Variants in NUBPL observed in about 807,000 individuals in gnomAD.
The protein encoded by NUBPL is iron-sulfur cluster transfer protein NUBPL.
In NUBPL, 31 loss-of-function variants were observed where a neutral mutation model predicts 45.7. The observed-to-expected ratio is 0.68, with a 90% CI of 0.51 to 0.92. NUBPL has a LOEUF of 0.92. Among genes scored for constraint, NUBPL ranks in the 40% least tolerant of loss-of-function variants. NUBPL has a pLI of 0.00. For missense variants in NUBPL, 401 were observed against 398.7 expected (o/e 1.01, Z -0.05); for synonymous variants, 144 against 140.9 (o/e 1.02, Z -0.15).
chr14:31,767,118 G>A (rs373584303), intron 6 of NUBPL, among the ~76,000 whole-genome samples: 2 of 152,036 alleles, frequency 1.3e-5, no homozygotes, highest in East Asian at 1.9e-4. Flanking sequence ...TCTGATCATA[G>A]AGCTCTTTTT....
intron 4 of NUBPL, among the ~76,000 whole-genome samples, chr14:31,648,404 T>G (rs2035912967): frequency 6.6e-6 from 1 of 152,232 alleles, no homozygotes; most frequent in African/African-American, 2.4e-5. Context: ...GTCCTGTGTC[T>G]TGATGCACTG....
chr14:31,674,227 C>A (rs1381494771), intron 6 of NUBPL, among the ~76,000 whole-genome samples: 1 of 152,110 alleles, frequency 6.6e-6, no homozygotes, highest in Non-Finnish European at 1.5e-5. Context: ...AAGTAATTTG[C>A]ATTTACTTCA....
intron 6 of NUBPL, among the ~76,000 whole-genome samples, chr14:31,689,965 G>T (rs1451187706): frequency 6.6e-6 from 1 of 151,030 alleles, no homozygotes; most frequent in Non-Finnish European, 1.5e-5. Flanking sequence ...TTAAAGATCA[G>T]ATGGTTGTAG....
intron 6 of NUBPL, among the ~76,000 whole-genome samples, chr14:31,734,985 A>T (rs1281041112): frequency 6.6e-6 from 1 of 152,196 alleles, no homozygotes; most frequent in Non-Finnish European, 1.5e-5. Context: ...TGTTGACTTT[A>T]CTACTGACAT....
intron 6 of NUBPL, among the ~76,000 whole-genome samples, chr14:31,687,643 C>T (rs761029185): frequency 6.6e-5 from 10 of 152,148 alleles, no homozygotes; most frequent in Admixed American, 2.6e-4. Flanking sequence ...ATGATCTCTG[C>T]GTGAGCAGTT....
intron 3 of NUBPL, among the ~76,000 whole-genome samples, chr14:31,594,553 G>C (rs1046666117): frequency 7.2e-6 from 1 of 138,440 alleles, no homozygotes; most frequent in African/African-American, 2.5e-5. Flanking sequence ...AACTAGCCAG[G>C]TGATTTTTTT....
rs149248192 is a variant in NUBPL, at chr14:31,715,176, C to T, written c.513+41602C>T. On this transcript the variant is annotated intron_variant, in intron 6 of 10. Coordinates refer to ENST00000281081, the MANE Select transcript of NUBPL (RefSeq NM_025152.3). ...TCTTTATACTATTTGATCTACTGAT[C>T]GTAAAGTTTCCCTAATACTACATTC... 2.1e-3 allele frequency among the ~76,000 whole-genome samples: 319 copies of T among 152,242 alleles called. 1 individual carries two copies. Among genetic ancestry groups the T allele is most frequent in the African/African-American group, 7.3e-3 (303 of 41,548 alleles).
At chr14:31,651,917 A>G (rs1479487947) in intron 4 of NUBPL, among the ~76,000 whole-genome samples, 1 of 151,916 alleles carries the variant, frequency 6.6e-6, no homozygotes, top group Non-Finnish European at 1.5e-5. Context: ...AAAAAAAGAA[A>G]AAAAGAAAAA....
chr14:31,605,700 GCTTCTTTCTTCTTTCTT>G (rs1451453817), intron 4 of NUBPL, among the ~76,000 whole-genome samples: 32 of 151,978 alleles, frequency 2.1e-4, no homozygotes, highest in Admixed American at 7.2e-4. Context: ...GAGATCTTCT[GCTTCTTTCTTCTTTCTT>G]CTTCTTTCTT....
At chr14:31,738,146 G>A (rs542807139) in intron 6 of NUBPL, among the ~76,000 whole-genome samples, 3 of 152,144 alleles carry the variant, frequency 2.0e-5, no homozygotes, top group Admixed American at 6.5e-5. Flanking sequence ...TCTGCACAAA[G>A]TATTTAATAT....
intron 6 of NUBPL, among the ~76,000 whole-genome samples, chr14:31,764,197 A>G (rs544435766): frequency 1.3e-5 from 2 of 152,332 alleles, no homozygotes; most frequent in South Asian, 2.1e-4. Flanking sequence ...AGAGAAAATT[A>G]GAGTACAAGC....
intron 8 of NUBPL, among the ~76,000 whole-genome samples, chr14:31,833,989 A>G (rs1190280490): frequency 6.6e-6 from 1 of 152,208 alleles, no homozygotes; most frequent in Non-Finnish European, 1.5e-5. Flanking sequence ...GGAAACAAAT[A>G]TATAGATTAA....
intron 3 of NUBPL, among the ~76,000 whole-genome samples, chr14:31,574,644 G>A (rs1182024197): frequency 7.5e-6 from 1 of 133,874 alleles, no homozygotes; most frequent in African/African-American, 2.9e-5. Flanking sequence ...AGGCTGGAGT[G>A]CAGTGGCCTG....
At chr14:31,676,815 G>C (rs571406601) in intron 6 of NUBPL, among the ~76,000 whole-genome samples, 1 of 151,128 alleles carries the variant, frequency 6.6e-6, no homozygotes, top group African/African-American at 2.4e-5. Flanking sequence ...GAATTTGTAC[G>C]TATTTTGGCC....
chr14:31,787,584 A>G (rs1448997759), intron 6 of NUBPL, among the ~76,000 whole-genome samples, 196 bp from the exon 7 acceptor site: 3 of 152,238 alleles, frequency 2.0e-5, no homozygotes, highest in South Asian at 2.1e-4. Flanking sequence ...CTTGCCATTC[A>G]AAGAAGGCCT....
intron 6 of NUBPL, among the ~76,000 whole-genome samples, chr14:31,698,935 ACCT>A (rs1414624225): frequency 4.0e-5 from 6 of 151,418 alleles, no homozygotes; most frequent in Non-Finnish European, 1.5e-5. Flanking sequence ...GCTCACTGCA[ACCT>A]CCGCCTCCTG....
At chr14:31,772,603 G>A (rs766191446) in intron 6 of NUBPL, among the ~76,000 whole-genome samples, 4 of 152,134 alleles carry the variant, frequency 2.6e-5, no homozygotes, top group Non-Finnish European at 4.4e-5. Flanking sequence ...TTAAATATTA[G>A]TTCAGAAAAT....
At chr14:31,662,339 G>A (rs952684837) in intron 4 of NUBPL, among the ~76,000 whole-genome samples, 20 of 150,802 alleles carry the variant, frequency 1.3e-4, no homozygotes, top group Admixed American at 1.2e-3. Flanking sequence ...TGAGATACAC[G>A]TGCAGAATGT....
At chr14:31,680,548 A>G (rs2036807409) in intron 6 of NUBPL, among the ~76,000 whole-genome samples, 1 of 151,986 alleles carries the variant, frequency 6.6e-6, no homozygotes, top group African/African-American at 2.4e-5. Flanking sequence ...TTCTGATGTT[A>G]ATGTTTTCTT....
Sources: allele counts gnomAD v4.1 joint callset (sites outside exome capture counted in the v4.1 genomes callset), GRCh38; gene constraint gnomAD v4.1.1; transcripts MANE v1.5; gene names NCBI Gene and HGNC (gene_info 2026-07-23, HGNC 2026-07-21).